Variants in CDH13 observed in about 807,000 individuals in gnomAD.
CDH13 encodes cadherin-13.
In CDH13, 24 loss-of-function variants were observed where a neutral mutation model predicts 63.8. The observed-to-expected ratio is 0.38, with a 90% CI of 0.27 to 0.53. The LOEUF (loss-of-function observed/expected upper bound fraction) is 0.53. CDH13 is among the 20% of genes least tolerant of loss of function. The probability of loss-of-function intolerance (pLI) is 0.85; values close to 1 mark genes in which losing one functional copy is unlikely to be tolerated. For synonymous variants in CDH13, 503 were observed against 355.3 expected (o/e 1.42, Z -4.67); for missense variants, 1,049 against 903.1 (o/e 1.16, Z -2.07).
chr16:82,748,525 G>A (rs2034278069), intron 1 of CDH13, among the ~76,000 whole-genome samples: 1 of 152,150 alleles, frequency 6.6e-6, no homozygotes, highest in African/African-American at 2.4e-5. Context: ...TCTGTTGGTG[G>A]TGGTGGTTGT....
At chr16:83,688,471 G>T (rs928887996) in intron 10 of CDH13, among the ~76,000 whole-genome samples, 5 of 152,160 alleles carry the variant, frequency 3.3e-5, no homozygotes, top group African/African-American at 1.2e-4. Context: ...TTAATCAGAA[G>T]TTAAAGGCCA....
At chr16:82,674,367 C>T (rs114740831) in intron 1 of CDH13, among the ~76,000 whole-genome samples, 1,890 of 152,288 alleles carry the variant, frequency 0.012, 46 homozygotes, top group African/African-American at 0.043. Flanking sequence ...ACTTAGTTTT[C>T]ATCTTTGATT....
chr16:83,635,342 T>C lies in CDH13; in HGVS notation c.1101+32748T>C, dbSNP rs1253645784. Among the ~76,000 whole-genome samples the C allele has an allele frequency of 1.7e-5, 2 of 118,410 alleles. 1 individual carries two copies. Among genetic ancestry groups the C allele is most frequent in the Admixed American group, 1.7e-4 (2 of 11,698 alleles). The allele number at this position is 118,410 out of a possible 152,430, so 77.7% of individuals were successfully genotyped here. A position where few individuals can be genotyped will look rare whatever the true frequency, so the allele number is the denominator to read the frequency against. ...TTGCCCATTTTCTTTCTTTTTTTTTTTTTTTTTTTTTTTTTTTTTGAGACA... is the reference window on the plus strand; with the variant it reads ...TTGCCCATTTTCTTTCTTTTTTTTTCTTTTTTTTTTTTTTTTTTTGAGACA... On this transcript the variant is annotated intron_variant, in intron 8 of 13. Transcript: ENST00000567109.
chr16:82,929,868 T>G (rs2042430061), intron 2 of CDH13, among the ~76,000 whole-genome samples: 1 of 151,302 alleles, frequency 6.6e-6, no homozygotes, highest in African/African-American at 2.4e-5. Context: ...TAGAAAGGAG[T>G]AGTCATAACA....
intron 5 of CDH13, among the ~76,000 whole-genome samples, chr16:83,334,876 C>A (rs1423453573): frequency 6.6e-6 from 1 of 152,094 alleles, no homozygotes; most frequent in African/African-American, 2.4e-5. Context: ...TCTAATTGGA[C>A]CATGAGTATA....
chr16:82,643,930 C>T (rs2043338), intron 1 of CDH13, among the ~76,000 whole-genome samples: 147,532 of 151,868 alleles, frequency 0.97, 71,795 homozygotes, highest in Middle Eastern at 1. Context: ...AAAAAAAAAA[C>T]TTTAAGACAA....
intron 6 of CDH13, among the ~76,000 whole-genome samples, chr16:83,407,116 A>C (rs964437027): frequency 6.6e-6 from 1 of 152,208 alleles, no homozygotes; most frequent in African/African-American, 2.4e-5. Context: ...ACTGTGTGCC[A>C]GGCAGCCCTC....
At chr16:82,715,905 T>C (rs1295918384) in intron 1 of CDH13, among the ~76,000 whole-genome samples, 3 of 152,240 alleles carry the variant, frequency 2.0e-5, no homozygotes, top group Non-Finnish European at 4.4e-5. Context: ...CTTTCTTCTT[T>C]AGCCACATCA....
At chr16:82,889,282 C>T (rs2040995120) in intron 2 of CDH13, among the ~76,000 whole-genome samples, 2 of 147,926 alleles carry the variant, frequency 1.4e-5, no homozygotes, top group South Asian at 2.2e-4. Flanking sequence ...GAAAATTGTG[C>T]TTGTCTGTCT....
intron 7 of CDH13, among the ~76,000 whole-genome samples, chr16:83,521,760 C>G (rs115396829): frequency 2.2e-4 from 33 of 152,144 alleles, no homozygotes; most frequent in Admixed American, 5.2e-4. Context: ...TGGAACCAGC[C>G]CTGGCTTCAG....
chr16:83,414,222 C>G (rs1236047452), intron 6 of CDH13, among the ~76,000 whole-genome samples: 1 of 152,046 alleles, frequency 6.6e-6, no homozygotes, highest in Non-Finnish European at 1.5e-5. Context: ...CAACCATTTT[C>G]TTGAGGATCT....
At chr16:83,361,234 C>T (rs76261955) in intron 6 of CDH13, among the ~76,000 whole-genome samples, 12,807 of 152,178 alleles carry the variant, frequency 0.084, 743 homozygotes, top group Non-Finnish European at 0.13. Flanking sequence ...TTGTCTTCTT[C>T]TGAGAAGTGT....
chr16:82,770,072 C>T (rs1387012047), intron 1 of CDH13, among the ~76,000 whole-genome samples: 1 of 152,242 alleles, frequency 6.6e-6, no homozygotes, highest in Non-Finnish European at 1.5e-5. Context: ...TCAGCCAAAG[C>T]ACAACTGTCT....
intron 7 of CDH13, among the ~76,000 whole-genome samples, chr16:83,502,350 G>T (rs2074301846): frequency 2.0e-5 from 3 of 152,082 alleles, no homozygotes; most frequent in African/African-American, 7.2e-5. Context: ...GGCCCACCAT[G>T]CAAGGGCTGT....
At chr16:82,661,614 T>C (rs1427315360) in intron 1 of CDH13, among the ~76,000 whole-genome samples, 1 of 152,208 alleles carries the variant, frequency 6.6e-6, no homozygotes, top group African/African-American at 2.4e-5. Flanking sequence ...CCTGTGCAAC[T>C]CCAAAAGGAT....
chr16:83,635,776 G>T (rs188739752), intron 8 of CDH13, among the ~76,000 whole-genome samples: 77 of 152,208 alleles, frequency 5.1e-4, no homozygotes, highest in Non-Finnish European at 9.7e-4. Context: ...TATCTTAATA[G>T]AATCTTTCAC....
At chr16:83,284,194 G>A (rs2089253200) in intron 5 of CDH13, among the ~76,000 whole-genome samples, 1 of 152,088 alleles carries the variant, frequency 6.6e-6, no homozygotes, top group Non-Finnish European at 1.5e-5. Context: ...TTGGACTTTG[G>A]TAAACACCCT....
chr16:83,012,625 C>G (rs1385130714), intron 2 of CDH13, among the ~76,000 whole-genome samples: 1 of 152,052 alleles, frequency 6.6e-6, no homozygotes, highest in Non-Finnish European at 1.5e-5. Context: ...GTATGGGAAA[C>G]AGACCTTGAA....
intron 7 of CDH13, among the ~76,000 whole-genome samples, chr16:83,567,305 T>G (rs534377360): frequency 6.6e-6 from 1 of 152,336 alleles, no homozygotes; most frequent in East Asian, 1.9e-4. Context: ...TTTGTATTCC[T>G]GGTTCTTGGC....
Sources: gnomAD v4.1 joint callset for allele counts (sites outside exome capture counted in the v4.1 genomes callset) on GRCh38, gnomAD v4.1.1 for gene constraint, MANE v1.5 for transcripts, NCBI Gene and HGNC (gene_info 2026-07-23, HGNC 2026-07-21) for gene names.